FAM13A: variants seen among roughly 807,000 people sequenced by gnomAD.
FAM13A encodes family with sequence similarity 13 member A, also known as protein FAM13A.
A neutral mutation model predicts 129.6 loss-of-function variants in FAM13A; 76 were observed. The ratio of observed to expected loss-of-function variants is 0.59; its 90% CI spans 0.49 to 0.71. The LOEUF (loss-of-function observed/expected upper bound fraction) is 0.71, where lower values mean the gene tolerates loss of function less well. FAM13A is among the 30% of genes least tolerant of loss of function. The probability of loss-of-function intolerance (pLI) is 0.00; values close to 1 mark genes in which losing one functional copy is unlikely to be tolerated. For synonymous variants in FAM13A, 443 were observed against 449.9 expected (o/e 0.98, Z 0.20); for missense variants, 1,108 against 1,249.3 (o/e 0.89, Z 1.70).
In FAM13A at chr4:88,726,091, A is replaced by C. The variant is rs1736404196; in HGVS notation, c.*2442T>G. The C allele has an allele frequency of 6.6e-6, 1 of 152,218 alleles. No homozygotes were observed. Among genetic ancestry groups the C allele is most frequent in the African/African-American group, 2.4e-5 (1 of 41,446 alleles). 9.4% of individuals were successfully genotyped at this position (152,218 alleles called of 1,614,324 possible). A position where few individuals can be genotyped will look rare whatever the true frequency, so the allele number is the denominator to read the frequency against. Reference sequence around the variant, plus strand: ...CAGCAAAGGAAAAATCCCAGTCCAGAGCATTTTGTCTTTGTGAAGCCAATT... The same window carrying C: ...CAGCAAAGGAAAAATCCCAGTCCAGCGCATTTTGTCTTTGTGAAGCCAATT... On this transcript the variant is annotated 3_prime_UTR_variant, in exon 24 of 24. Transcript: ENST00000264344.
intron 4 of FAM13A, among the ~76,000 whole-genome samples, chr4:88,987,969 A>C (rs570126228): frequency 6.6e-6 from 1 of 152,118 alleles, no homozygotes; most frequent in African/African-American, 2.4e-5. Flanking sequence ...ACACTGCACA[A>C]TATTCCACAG....
Position 88,746,943 on chromosome 4 carries a change from G to T in FAM13A, c.2455C>A (p.His819Asn). The T allele has an allele frequency of 6.2e-7, 1 of 1,611,884 alleles. No individual in the cohort carries two copies. Residue 819 changes from histidine (H) to asparagine (N), a missense_variant, in exon 19 of 24, where the codon CAT becomes AAT. Physicochemically the swap from His to Asn is moderately conservative, Grantham distance 68 (BLOSUM62 1). This residue lies in a region of FAM13A where 529 missense variants were observed against 621.2 expected (regional missense o/e 0.85). Coordinates refer to ENST00000264344, the MANE Select transcript of FAM13A (RefSeq NM_014883.4). ...QKALLYYESI[H>N]GRPVTKNERQ... Reference sequence around the variant, plus strand: ...ACTACATCACATACCGGCCGTCCATGAATGCTTTCATAATATAACAGAGCT... The same window carrying T: ...ACTACATCACATACCGGCCGTCCATTAATGCTTTCATAATATAACAGAGCT...
chr4:88,929,922 A>G (rs528473916), intron 5 of FAM13A, among the ~76,000 whole-genome samples: 1 of 152,098 alleles, frequency 6.6e-6, no homozygotes, highest in East Asian at 1.9e-4. Flanking sequence ...ATTTTTTTGT[A>G]AAGACAGGGT....
intron 4 of FAM13A, among the ~76,000 whole-genome samples, chr4:88,971,090 C>T (rs1409053140): frequency 6.6e-6 from 1 of 152,056 alleles, no homozygotes; most frequent in Non-Finnish European, 1.5e-5. Context: ...CGCCTGTAGG[C>T]AGGAGAAGCT....
intron 6 of FAM13A, among the ~76,000 whole-genome samples, chr4:88,902,586 C>T (rs536706791): frequency 6.6e-6 from 1 of 152,028 alleles, no homozygotes; most frequent in Admixed American, 6.6e-5. Flanking sequence ...TTTGAATAAA[C>T]TAGGTATTGA....
chr4:89,050,074 T>C (rs1374393998), intron 1 of FAM13A, among the ~76,000 whole-genome samples: 2 of 152,174 alleles, frequency 1.3e-5, no homozygotes, highest in Non-Finnish European at 2.9e-5. Context: ...TGGTCAGATA[T>C]TACCTAAAAT....
In FAM13A at chr4:89,056,980, C is replaced by G. The variant is rs1332286193; in HGVS notation, c.-16G>C. ...CTGCCCCCATTCTCTCAGAAAGCGT[C>G]TGGAAGAACTGAGGAAGACCAGACG... is the stretch of plus-strand genomic sequence containing the variant. On this transcript the variant is annotated 5_prime_UTR_variant, in exon 1 of 24. Coordinates refer to ENST00000264344, the MANE Select transcript of FAM13A (RefSeq NM_014883.4). 1 of 1,613,222 alleles carries G rather than the reference C, an allele frequency of 6.2e-7. No homozygotes were observed. Among genetic ancestry groups the G allele is most frequent in the East Asian group, 2.2e-5 (1 of 44,854 alleles).
At chr4:88,792,855 G>C (rs1725445138) in intron 8 of FAM13A, among the ~76,000 whole-genome samples, 1 of 151,952 alleles carries the variant, frequency 6.6e-6, no homozygotes, top group South Asian at 2.1e-4. Flanking sequence ...CTGATGTTTT[G>C]ATGTTCATTT....
At chr4:88,817,799 C>T (rs926381149) in intron 7 of FAM13A, among the ~76,000 whole-genome samples, 11 of 152,078 alleles carry the variant, frequency 7.2e-5, no homozygotes, top group African/African-American at 2.2e-4. Context: ...AATATTGATG[C>T]GATGAAATGC....
intron 5 of FAM13A, among the ~76,000 whole-genome samples, chr4:88,925,011 T>C (rs1296897763): frequency 6.7e-6 from 1 of 150,298 alleles, no homozygotes; most frequent in South Asian, 2.1e-4. Context: ...TGAGATACCA[T>C]CTCACACCAG....
intron 5 of FAM13A, among the ~76,000 whole-genome samples, chr4:88,926,627 A>G (rs1312923651): frequency 6.6e-6 from 1 of 152,218 alleles, no homozygotes; most frequent in Non-Finnish European, 1.5e-5. Flanking sequence ...ATGACTTTCT[A>G]GTGTTTACCT....
rs564567902 is a variant in FAM13A, at chr4:88,761,084, C to T, written c.1579-2183G>A. Among the ~76,000 whole-genome samples, 23 of 152,280 alleles carry T rather than the reference C, an allele frequency of 1.5e-4. No homozygotes were observed. In the East Asian group the frequency reaches 3.3e-3, roughly 22 times the overall value. ...CTTACAGGCAGACCTGGGTTTGAAG[C>T]GTGGCTCTGACATTTACTAGCCTGG... On this transcript the variant is annotated intron_variant, in intron 13 of 23. Coordinates refer to ENST00000264344, the MANE Select transcript of FAM13A (RefSeq NM_014883.4).
chr4:88,826,440 G>A (rs999826576), intron 7 of FAM13A, among the ~76,000 whole-genome samples: 4 of 152,194 alleles, frequency 2.6e-5, no homozygotes, highest in Non-Finnish European at 5.9e-5. Flanking sequence ...TATTGCCAGA[G>A]TGCTAACGAT....
chr4:88,912,472 C>G (rs1749224118), intron 5 of FAM13A, among the ~76,000 whole-genome samples: 1 of 151,956 alleles, frequency 6.6e-6, no homozygotes, highest in African/African-American at 2.4e-5. Context: ...CCTGATTCAC[C>G]AGAGCTTGCA....
intron 7 of FAM13A, among the ~76,000 whole-genome samples, chr4:88,812,382 A>T (rs1729812376): frequency 6.6e-6 from 1 of 152,070 alleles, no homozygotes; most frequent in South Asian, 2.1e-4. Context: ...GTTCGTCCTT[A>T]GCCTCTCCTA....
intron 13 of FAM13A, among the ~76,000 whole-genome samples, chr4:88,763,962 T>C (rs1478544897): frequency 6.6e-6 from 1 of 152,194 alleles, no homozygotes; most frequent in Non-Finnish European, 1.5e-5. Flanking sequence ...GGTTATAATA[T>C]TAAAACAAAG....
At chr4:88,983,048 T>A (rs574521802) in intron 4 of FAM13A, among the ~76,000 whole-genome samples, 2 of 152,288 alleles carry the variant, frequency 1.3e-5, no homozygotes, top group East Asian at 3.9e-4. Context: ...TCTTCTCAGC[T>A]CCCCTGGGAC....
chr4:88,920,697 C>T (rs759420716), intron 5 of FAM13A, among the ~76,000 whole-genome samples: 17 of 152,126 alleles, frequency 1.1e-4, no homozygotes, highest in African/African-American at 3.4e-4. Flanking sequence ...CAAAGCTGGA[C>T]GGAGAACAAC....
intron 14 of FAM13A, 24 bp from the exon 15 acceptor site, chr4:88,750,661 C>A: frequency 7.3e-7 from 1 of 1,377,076 alleles, no homozygotes; most frequent in South Asian, 1.3e-5. Context: ...GCAGTAAGAT[C>A]AGGACTGTTC....
Sources: gnomAD v4.1 joint callset for allele counts (sites outside exome capture counted in the v4.1 genomes callset) on GRCh38, gnomAD v4.1.1 for gene constraint, gnomAD v4.1.1 regional missense constraint, MANE v1.5 for transcripts, NCBI Gene and HGNC (gene_info 2026-07-23, HGNC 2026-07-21) for gene names.